Variants in FAXC observed in about 807,000 individuals in gnomAD.
FAXC encodes the protein failed axon connections homolog.
FAXC carries 10 observed loss-of-function variants against 41.9 expected under a neutral mutation model. The ratio of observed to expected loss-of-function variants is 0.24; its 90% CI spans 0.15 to 0.41. The LOEUF is 0.41. Among genes scored for constraint, FAXC ranks in the 10% least tolerant of loss-of-function variants. FAXC has a pLI of 1.00. For missense variants in FAXC, 399 were observed against 510.9 expected, an observed-to-expected ratio of 0.78 and a Z score of 2.11; for synonymous variants, 183 against 183.8, an observed-to-expected ratio of 1.00 and a Z score of 0.03.
At chr6:99,292,955 C>T (rs1213461410) in intron 4 of FAXC, among the ~76,000 whole-genome samples, 1 of 152,138 alleles carries the variant, frequency 6.6e-6, no homozygotes. Flanking sequence ...CACAGGCAGC[C>T]ACCACCACGC....
intron 4 of FAXC, among the ~76,000 whole-genome samples, chr6:99,310,480 C>G (rs1266757297): frequency 6.6e-6 from 1 of 152,170 alleles, no homozygotes; most frequent in Non-Finnish European, 1.5e-5. Context: ...TTAAAAGCAC[C>G]ACCCTCCCGC....
At chr6:99,284,565 G>C (rs1006930983) in intron 5 of FAXC, among the ~76,000 whole-genome samples, 3 of 78,670 alleles carry the variant, frequency 3.8e-5, no homozygotes, top group African/African-American at 7.2e-5. Flanking sequence ...GTGTCTGTGT[G>C]TGTGTGTGTG....
At chr6:99,334,425 T>C (rs1037595418) in intron 2 of FAXC, among the ~76,000 whole-genome samples, 1 of 152,054 alleles carries the variant, frequency 6.6e-6, no homozygotes, top group Admixed American at 6.6e-5. Context: ...TAGAACTGGG[T>C]CAAGATTTCA....
At chr6:99,306,590 T>TG (rs1182393916) in intron 4 of FAXC, among the ~76,000 whole-genome samples, 7 of 151,698 alleles carry the variant, frequency 4.6e-5, no homozygotes, top group African/African-American at 1.7e-4. Context: ...ATGAACAGGG[T>TG]GGGGGCTGGA....
intron 4 of FAXC, among the ~76,000 whole-genome samples, chr6:99,306,773 GT>G (rs1367138883): frequency 6.6e-6 from 1 of 152,234 alleles, no homozygotes; most frequent in Non-Finnish European, 1.5e-5. Flanking sequence ...CAAGTTACTT[GT>G]TTGTGCCTAA....
intron 2 of FAXC, among the ~76,000 whole-genome samples, chr6:99,342,633 C>T (rs777600859): frequency 2.0e-5 from 3 of 152,212 alleles, no homozygotes; most frequent in Non-Finnish European, 4.4e-5. Context: ...CGTGAACCAC[C>T]GTGCCCAGCC....
chr6:99,300,764 T>C (rs1432356897), intron 4 of FAXC, among the ~76,000 whole-genome samples: 1 of 152,254 alleles, frequency 6.6e-6, no homozygotes, highest in African/African-American at 2.4e-5. Flanking sequence ...CCAGCTGTTC[T>C]ATCTCTTTAT....
At chr6:99,310,273 C>T (rs1305586170) in intron 4 of FAXC, among the ~76,000 whole-genome samples, 1 of 152,246 alleles carries the variant, frequency 6.6e-6, no homozygotes, top group Non-Finnish European at 1.5e-5. Context: ...CTATAAAAGA[C>T]TACAATGTTC....
Position 99,276,161 on chromosome 6 carries a change from A to AC in FAXC, c.*5002dup, listed in dbSNP as rs751802010. On this transcript the variant is annotated 3_prime_UTR_variant, in exon 6 of 6. Transcript: ENST00000389677. ...CATACTCTGTTTAAAAAAAAAAAAA[A>AC]CCCTAAAAGAAAGAAAGAAGAATAA... 25 of 141,066 alleles carry AC rather than the reference A, an allele frequency of 1.8e-4. 1 individual carries two copies. The South Asian group carries it at 5.3e-3, about 30-fold the overall frequency. The allele number at this position is 141,066 out of a possible 1,614,324, so 8.7% of individuals were successfully genotyped here. A position where few individuals can be genotyped will look rare whatever the true frequency, so the allele number is the denominator to read the frequency against.
intron 4 of FAXC, among the ~76,000 whole-genome samples, chr6:99,292,490 C>A (rs1044440885): frequency 7.2e-5 from 11 of 152,184 alleles, no homozygotes; most frequent in African/African-American, 2.7e-4. Context: ...GGCCTTGTCA[C>A]CGGACTATCA....
intron 1 of FAXC, among the ~76,000 whole-genome samples, chr6:99,343,631 GC>G (rs1423663952): frequency 6.6e-6 from 1 of 152,152 alleles, no homozygotes; most frequent in Non-Finnish European, 1.5e-5. Flanking sequence ...CATGGTTTTG[GC>G]CATTAGACTA....
Position 99,276,521 on chromosome 6 carries a change from T to A in FAXC, c.*4643A>T, listed in dbSNP as rs1770629380. On this transcript the variant is annotated 3_prime_UTR_variant, in exon 6 of 6. Coordinates refer to ENST00000389677, the MANE Select transcript of FAXC (RefSeq NM_032511.4). ...AAATTCCAAACCTCTAAAACAAAATTTTCTCAAATAACCTAAGAGCACTTC... is the reference window on the plus strand; with the variant it reads ...AAATTCCAAACCTCTAAAACAAAATATTCTCAAATAACCTAAGAGCACTTC... 1 of 152,190 alleles carries A rather than the reference T, an allele frequency of 6.6e-6. No homozygotes were observed. The highest frequency in any genetic ancestry group is 2.4e-5 in the African/African-American group (1 of 41,446). 9.4% of individuals were successfully genotyped at this position (152,190 alleles called of 1,614,324 possible). A position where few individuals can be genotyped will look rare whatever the true frequency, so the allele number is the denominator to read the frequency against.
chr6:99,297,644 T>G (rs888820188), intron 4 of FAXC, among the ~76,000 whole-genome samples: 1 of 152,138 alleles, frequency 6.6e-6, no homozygotes, highest in Non-Finnish European at 1.5e-5. Context: ...TTGGGGAGGA[T>G]GTATGAGAGC....
chr6:99,321,773 G>A (rs1582665072), intron 4 of FAXC, among the ~76,000 whole-genome samples: 2 of 152,346 alleles, frequency 1.3e-5, no homozygotes, highest in Non-Finnish European at 2.9e-5. Flanking sequence ...CATTATTATT[G>A]CTATCACCCT....
At chr6:99,284,953 A>C (rs1169615467) in intron 5 of FAXC, among the ~76,000 whole-genome samples, 1 of 151,916 alleles carries the variant, frequency 6.6e-6, no homozygotes, top group South Asian at 2.1e-4. Context: ...ATAAGTTTGC[A>C]AAATAATAGA....
intron 3 of FAXC, among the ~76,000 whole-genome samples, chr6:99,331,022 A>T (rs761603660): frequency 3.3e-5 from 5 of 152,168 alleles, no homozygotes; most frequent in Non-Finnish European, 7.3e-5. Flanking sequence ...GAAGTTGGCT[A>T]AAGGCTTGAG....
upstream of FAXC, chr6:99,349,770 C>A (rs1419478384): frequency 1.3e-5 from 2 of 152,056 alleles, no homozygotes; most frequent in African/African-American, 4.8e-5. Flanking sequence ...GCGGTCCGGC[C>A]GCCTCCGCCG....
chr6:99,341,587 C>G (rs966566866), intron 2 of FAXC, among the ~76,000 whole-genome samples: 1 of 151,978 alleles, frequency 6.6e-6, no homozygotes, highest in Admixed American at 6.6e-5. Flanking sequence ...ACAATGTAAC[C>G]TAAAATATAT....
Position 99,349,313 on chromosome 6 carries a change from G to T in FAXC, c.60C>A (p.Asn20Lys), listed in dbSNP as rs142994796. 11 of 1,613,136 alleles carry T rather than the reference G, an allele frequency of 6.8e-6. No homozygotes were observed. The highest frequency in any genetic ancestry group is 8.5e-6 in the Non-Finnish European group (10 of 1,179,958). ...SRPCVVDLSW[N>K]QSISFFGWWA... ...ACCAGCCGAAGAAGGAGATGCTCTG[G>T]TTCCAGCTCAGATCCACCACGCACG... The change falls in exon 1 of 6, where the codon AAC (asparagine) becomes AAA (lysine). Residue 20 changes from asparagine (N) to lysine (K), a missense_variant. Transcript: ENST00000389677.
Sources: allele counts gnomAD v4.1 joint callset (sites outside exome capture counted in the v4.1 genomes callset), GRCh38; gene constraint gnomAD v4.1.1; transcripts MANE v1.5; gene names NCBI Gene and HGNC (gene_info 2026-07-23, HGNC 2026-07-21).